OR2T33: variants seen among roughly 807,000 people sequenced by gnomAD.
The protein encoded by OR2T33 is olfactory receptor family 2 subfamily T member 33.
OR2T33 carries 10 observed loss-of-function variants against 14.0 expected under a neutral mutation model. The ratio of observed to expected loss-of-function variants is 0.72; its 90% CI spans 0.44 to 1.22. The LOEUF (loss-of-function observed/expected upper bound fraction) is 1.22. Among genes scored for constraint, OR2T33 ranks in the 50% most tolerant of loss-of-function variants. The pLI is 0.00. For missense variants in OR2T33, 276 were observed against 405.9 expected (o/e 0.68, Z 2.75); for synonymous variants, 103 against 159.4 (o/e 0.65, Z 2.66).
Position 248,270,085 on chromosome 1 carries a change from A to AG in OR2T33, c.*2766dup, listed in dbSNP as rs1659350141. 6.6e-6 allele frequency: 1 copy of AG among 152,216 alleles called. No individual in the cohort carries two copies. The highest frequency in any genetic ancestry group is 2.1e-4 in the South Asian group (1 of 4,830). 9.4% of individuals were successfully genotyped at this position (152,216 alleles called of 1,614,324 possible). On this transcript the variant is annotated 3_prime_UTR_variant, in exon 2 of 2. Coordinates refer to ENST00000641220, the MANE Select transcript of OR2T33 (RefSeq NM_001004695.2). Reference sequence around the variant, plus strand: ...ACATATATACCATGGAATACTATGCAGCCATAAAAAAGGATGAGTTCACGT... The same window carrying AG: ...ACATATATACCATGGAATACTATGCAGGCCATAAAAAAGGATGAGTTCACGT...
In OR2T33 at chr1:248,271,752, T is replaced by G. The variant is rs1016038437; in HGVS notation, c.*1100A>C. The G allele has an allele frequency of 6.6e-6, 1 of 152,222 alleles. No homozygotes were observed. Among genetic ancestry groups the G allele is most frequent in the Admixed American group, 6.5e-5 (1 of 15,284 alleles). The allele number at this position is 152,222 out of a possible 1,614,324, so 9.4% of individuals were successfully genotyped here. The stretch of plus-strand genomic sequence containing the variant: ...ACTGTGTGTTTAAAACTTATATTAT[T>G]TCTTAAGTGTGTTTTACATACAGGA... On this transcript the variant is annotated 3_prime_UTR_variant, in exon 2 of 2. Coordinates refer to ENST00000641220, the MANE Select transcript of OR2T33 (RefSeq NM_001004695.2).
rs1329287331 is a variant in OR2T33 at position 248,270,826 on chromosome 1, A to T, written c.*2026T>A. ...AATCAAAATCTCTGCTCTGAAAAAT[A>T]TACCATTAAAATAACAAACAGGCTA... On this transcript the variant is annotated 3_prime_UTR_variant, in exon 2 of 2. Coordinates refer to ENST00000641220, the MANE Select transcript of OR2T33 (RefSeq NM_001004695.2). 1 of 152,160 alleles carries T rather than the reference A, an allele frequency of 6.6e-6. No individual in the cohort carries two copies. Among genetic ancestry groups the T allele is most frequent in the African/African-American group, 2.4e-5 (1 of 41,442 alleles). The allele number at this position is 152,160 out of a possible 1,614,324, so 9.4% of individuals were successfully genotyped here. A position where few individuals can be genotyped will look rare whatever the true frequency, so the allele number is the denominator to read the frequency against.
chr1:248,271,313 A>G lies in OR2T33; in HGVS notation c.*1539T>C, dbSNP rs1341546737. Reference sequence around the variant, plus strand: ...TCCATGACTACATTTACTTGTGTAAATTTCACCCATTCTAAGAGAAGATTT... The same window carrying G: ...TCCATGACTACATTTACTTGTGTAAGTTTCACCCATTCTAAGAGAAGATTT... On this transcript the variant is annotated 3_prime_UTR_variant, in exon 2 of 2. Transcript: ENST00000641220. 1 of 152,152 alleles carries G rather than the reference A, an allele frequency of 6.6e-6. No homozygotes were observed. The highest frequency in any genetic ancestry group is 1.5e-5 in the Non-Finnish European group (1 of 68,018). 9.4% of individuals were successfully genotyped at this position (152,152 alleles called of 1,614,324 possible). A position where few individuals can be genotyped will look rare whatever the true frequency, so the allele number is the denominator to read the frequency against.
intron 1 of OR2T33, among the ~76,000 whole-genome samples, chr1:248,277,293 T>G (rs1430722095): frequency 1.3e-5 from 2 of 152,064 alleles, no homozygotes; most frequent in African/African-American, 4.8e-5. Context: ...TATCATCCCC[T>G]TCCCCACATT....
chr1:248,274,987 T>C (rs1340211033), intron 1 of OR2T33, among the ~76,000 whole-genome samples: 1 of 152,174 alleles, frequency 6.6e-6, no homozygotes, highest in Non-Finnish European at 1.5e-5. Context: ...AAAAAAAAGT[T>C]TTTTAGTGTT....
At position 248,273,729 on chromosome 1, in the gene OR2T33, A is replaced by C; in HGVS notation, c.86T>G (p.Val29Gly). 6.2e-7 allele frequency: 1 copy of C among 1,613,650 alleles called. No homozygotes were observed. The highest frequency in any genetic ancestry group is 2.2e-5 in the East Asian group (1 of 44,862). The part of the protein sequence containing the change: ...TRAHQVLFMM[V>G]LSIVLTSLFG... Reference sequence around the variant, plus strand: ...CAGGGAGGTCAAAACGATACTCAGAACCATCATGAAGAGGACTTGGTGGGC... The same window carrying C: ...CAGGGAGGTCAAAACGATACTCAGACCCATCATGAAGAGGACTTGGTGGGC... Residue 29 changes from valine to glycine, a missense_variant, in exon 2 of 2, where the codon GTT (valine) becomes GGT (glycine). By Grantham distance (109) the Val-to-Gly change is moderately radical. Transcript: ENST00000641220.
chr1:248,271,282 GA>G lies in OR2T33; in HGVS notation c.*1569del, dbSNP rs1413474912. 6.6e-6 allele frequency: 1 copy of G among 152,134 alleles called. No homozygotes were observed. Among genetic ancestry groups the G allele is most frequent in the African/African-American group, 2.4e-5 (1 of 41,444 alleles). The allele number at this position is 152,134 out of a possible 1,614,324, so 9.4% of individuals were successfully genotyped here. On this transcript the variant is annotated 3_prime_UTR_variant, in exon 2 of 2. Transcript: ENST00000641220. ...GGTGAATGAACCTGGTATGAGTAATGAAATTTCCATGACTACATTTACTTGT... is the reference window on the plus strand; with the variant it reads ...GGTGAATGAACCTGGTATGAGTAATGAATTTCCATGACTACATTTACTTGT...
chr1:248,276,025 C>T (rs1029201812), intron 1 of OR2T33, among the ~76,000 whole-genome samples: 1 of 152,128 alleles, frequency 6.6e-6, no homozygotes, highest in African/African-American at 2.4e-5. Context: ...ACATTTTCCA[C>T]AGATGGGGGT....
intron 1 of OR2T33, among the ~76,000 whole-genome samples, chr1:248,276,822 A>T (rs1426237696): frequency 6.6e-6 from 1 of 152,146 alleles, no homozygotes; most frequent in Non-Finnish European, 1.5e-5. Context: ...TCTTTCAGGT[A>T]TACAGAGCTA....
rs1659349625 is a variant in OR2T33 at position 248,270,036 on chromosome 1, T to C, written c.*2816A>G. On this transcript the variant is annotated 3_prime_UTR_variant, in exon 2 of 2. Transcript: ENST00000641220. The stretch of plus-strand genomic sequence containing the variant: ...AACCAACACAAATTTCCAGCAATGA[T>C]GGACTGGATTAAGATAATGTGGCAC... 6.6e-6 allele frequency: 1 copy of C among 152,180 alleles called. No homozygotes were observed. The highest frequency in any genetic ancestry group is 2.4e-5 in the African/African-American group (1 of 41,426). 9.4% of individuals were successfully genotyped at this position (152,180 alleles called of 1,614,324 possible).
chr1:248,277,909 T>C lies in OR2T33; in HGVS notation c.-153A>G, dbSNP rs1477112171. On this transcript the variant is annotated 5_prime_UTR_variant, in exon 1 of 2. In the 5' UTR this introduces an upstream ATG that the reference lacks. Transcript: ENST00000641220. ...TCATGCTCTATTTAGTTAAAAATCC[T>C]ATGTGGTCACTGAAAGTTTCCAACA... is the stretch of plus-strand genomic sequence containing the variant. 1.3e-5 allele frequency: 2 copies of C among 152,164 alleles called. No homozygotes were observed. The highest frequency in any genetic ancestry group is 2.9e-5 in the Non-Finnish European group (2 of 68,010). 9.4% of individuals were successfully genotyped at this position (152,164 alleles called of 1,614,324 possible). A position where few individuals can be genotyped will look rare whatever the true frequency, so the allele number is the denominator to read the frequency against.
Position 248,271,499 on chromosome 1 carries a change from A to C in OR2T33, c.*1353T>G, listed in dbSNP as rs537987707. On this transcript the variant is annotated 3_prime_UTR_variant, in exon 2 of 2. Coordinates refer to ENST00000641220, the MANE Select transcript of OR2T33 (RefSeq NM_001004695.2). ...TCTTCCAAGGAGAAAAGAGTTACTG[A>C]ATAACCTTCTCTTGAGACATAGGCT... is the stretch of plus-strand genomic sequence containing the variant. 1.5e-4 allele frequency: 23 copies of C among 152,314 alleles called. No homozygotes were observed. Among genetic ancestry groups the C allele is most frequent in the African/African-American group, 5.5e-4 (23 of 41,586 alleles). The allele number at this position is 152,314 out of a possible 1,614,324, so 9.4% of individuals were successfully genotyped here.
At chr1:248,275,293 T>C (rs7547041) in intron 1 of OR2T33, among the ~76,000 whole-genome samples, 45 of 152,318 alleles carry the variant, frequency 3.0e-4, no homozygotes, top group African/African-American at 9.9e-4. Flanking sequence ...TATTTAAGCA[T>C]TGGCTATCAG....
Position 248,273,622 on chromosome 1 carries a change from A to T in OR2T33, c.193T>A (p.Ser65Thr). 1.1e-5 allele frequency: 18 copies of T among 1,613,730 alleles called. No homozygotes were observed. The highest frequency in any genetic ancestry group is 1.5e-5 in the Non-Finnish European group (18 of 1,179,878). ...TPMYFLLSQL[S>T]LMDMMLVSTT... ...GAAACCAGCATCATGTCCATGAGGG[A>T]AAGTTGGCTCAGGAGGAAGTACATG... The change falls in exon 2 of 2, where the codon TCC becomes ACC. Residue 65 changes from serine (S) to threonine (T), a missense_variant. Physicochemically the swap from Ser to Thr is moderately conservative, Grantham distance 58 (BLOSUM62 1). Coordinates refer to ENST00000641220, the MANE Select transcript of OR2T33 (RefSeq NM_001004695.2).
chr1:248,276,071 T>C (rs1659443564), intron 1 of OR2T33, among the ~76,000 whole-genome samples: 1 of 152,154 alleles, frequency 6.6e-6, no homozygotes, highest in Non-Finnish European at 1.5e-5. Context: ...TGATACTGTT[T>C]CACCTCGGAT....
chr1:248,273,959 T>A, intron 1 of OR2T33, 137 bp from the exon 2 acceptor site: 1 of 1,242,068 alleles, frequency 8.1e-7, no homozygotes, highest in Admixed American at 2.3e-5. Flanking sequence ...TAACTCCCAG[T>A]GAGCATGGCT....
At chr1:248,277,501 C>T (rs1029539558) in intron 1 of OR2T33, among the ~76,000 whole-genome samples, 2 of 152,076 alleles carry the variant, frequency 1.3e-5, no homozygotes, top group African/African-American at 4.8e-5. Flanking sequence ...AATACAAATT[C>T]AATCATTTGA....
rs1298197518 is a variant in OR2T33, at chr1:248,273,613, C to T, written c.202G>A (p.Asp68Asn). 2 of 1,613,616 alleles carry T rather than the reference C, an allele frequency of 1.2e-6. No individual in the cohort carries two copies. Among genetic ancestry groups the T allele is most frequent in the South Asian group, 2.2e-5 (2 of 91,048 alleles). ...ACAGTGGTGGAAACCAGCATCATGT[C>T]CATGAGGGAAAGTTGGCTCAGGAGG... Reference protein sequence around the residue: ...YFLLSQLSLMDMMLVSTTVPK... With the variant: ...YFLLSQLSLMNMMLVSTTVPK... The change falls in exon 2 of 2, where the codon GAC becomes AAC. Residue 68 changes from aspartate to asparagine, a missense_variant. Coordinates refer to ENST00000641220, the MANE Select transcript of OR2T33 (RefSeq NM_001004695.2).
chr1:248,273,178 G>C lies in OR2T33; in HGVS notation c.637C>G (p.Leu213Val). Residue 213 changes from leucine to valine, a missense_variant, in exon 2 of 2, where the codon CTG (leucine) becomes GTG (valine). By Grantham distance (32) the Leu-to-Val change is conservative. Transcript: ENST00000641220. ...LMLLVPFSLI[L>V]SSYGLILAAV... is the part of the protein sequence containing the mutation. ...GCGAGGATGAGACCATAGGAGGACA[G>C]GATGAGGGAAAAGGGGACCAGGAGC... is the stretch of plus-strand genomic sequence containing the variant. 3.1e-6 allele frequency: 5 copies of C among 1,609,538 alleles called. No homozygotes were observed. The highest frequency in any genetic ancestry group is 4.2e-6 in the Non-Finnish European group (5 of 1,178,276).
Sources: gnomAD v4.1 joint callset for allele counts (sites outside exome capture counted in the v4.1 genomes callset) on GRCh38, gnomAD v4.1.1 for gene constraint, MANE v1.5 for transcripts, NCBI Gene and HGNC (gene_info 2026-07-23, HGNC 2026-07-21) for gene names.